Variants in FBXL13 observed in about 807,000 individuals in gnomAD.
The protein encoded by FBXL13 is F-box and leucine-rich repeat protein 13.
A neutral mutation model predicts 83.6 loss-of-function variants in FBXL13; 67 were observed. The observed-to-expected ratio is 0.80, with a 90% CI of 0.66 to 0.98. The LOEUF (loss-of-function observed/expected upper bound fraction) is 0.98, where lower values mean the gene tolerates loss of function less well. Ranked by LOEUF, FBXL13 falls within the 50% of genes least tolerant of loss-of-function variation. The pLI, the probability that FBXL13 is intolerant of heterozygous loss-of-function variation, is 0.00. For synonymous variants in FBXL13, 272 were observed against 299.5 expected, an observed-to-expected ratio of 0.91 and a Z score of 0.95; for missense variants, 822 against 866.5, an observed-to-expected ratio of 0.95 and a Z score of 0.64.
At chr7:102,835,197 T>G (rs1340815271) in intron 17 of FBXL13, among the ~76,000 whole-genome samples, 1 of 152,164 alleles carries the variant, frequency 6.6e-6, no homozygotes, top group Non-Finnish European at 1.5e-5. Context: ...GCACTTAGGG[T>G]ATTTGACTCA....
chr7:102,850,896 A>AT (rs1325342331), intron 17 of FBXL13, among the ~76,000 whole-genome samples: 2 of 152,184 alleles, frequency 1.3e-5, no homozygotes, highest in Non-Finnish European at 2.9e-5. Context: ...CTTAAAGCAG[A>AT]TTCCCTTAAG....
At chr7:102,883,009 A>G (rs1397969883) in intron 14 of FBXL13, among the ~76,000 whole-genome samples, 1 of 152,012 alleles carries the variant, frequency 6.6e-6, no homozygotes, top group East Asian at 1.9e-4. Flanking sequence ...TGTTAACTGA[A>G]CTAGCTATGG....
At chr7:103,005,532 T>G (rs1790898443) in intron 6 of FBXL13, among the ~76,000 whole-genome samples, 1 of 152,192 alleles carries the variant, frequency 6.6e-6, no homozygotes, top group Admixed American at 6.5e-5. Flanking sequence ...ATCTCACAGT[T>G]CTGGAAGCTA....
exon 9 of FBXL13, chr7:102,931,923 C>T: frequency 6.2e-7 from 1 of 1,613,542 alleles, no homozygotes; most frequent in Non-Finnish European, 8.5e-7. Flanking sequence ...CTTGCAAGTT[C>T]CTACAGTGGC....
upstream of FBXL13, chr7:103,074,624 A>G: frequency 3.2e-6 from 4 of 1,259,772 alleles, no homozygotes; most frequent in East Asian, 5.8e-5. Context: ...TCCTCCGGGA[A>G]GTCTTTCCTG....
chr7:102,925,863 C>T (rs962818075), intron 10 of FBXL13, among the ~76,000 whole-genome samples: 4 of 151,146 alleles, frequency 2.6e-5, no homozygotes, highest in Non-Finnish European at 4.4e-5. Context: ...ATCGCTTGGA[C>T]CCGGGAGGCG....
chr7:102,978,238 C>G (rs892919386), intron 6 of FBXL13: 1 of 152,142 alleles, frequency 6.6e-6, no homozygotes, highest in Non-Finnish European at 1.5e-5. Flanking sequence ...CCAAGGTGCC[C>G]ACGCCACCCC....
chr7:103,025,030 A>G (rs779199051), intron 6 of FBXL13, 33 bp downstream of exon 7: 4 of 1,519,604 alleles, frequency 2.6e-6, no homozygotes, highest in East Asian at 4.7e-5. Context: ...TTGGCAGATT[A>G]TAGTATATAA....
intron 8 of FBXL13, chr7:102,934,434 T>C (rs1819875929): frequency 1.9e-6 from 3 of 1,614,214 alleles, no homozygotes; most frequent in South Asian, 1.1e-5. Context: ...ATAGAAACGC[T>C]TATTTCAATG....
intron 2 of FBXL13, among the ~76,000 whole-genome samples, chr7:103,033,823 C>A (rs1436173923): frequency 6.6e-6 from 1 of 152,156 alleles, no homozygotes; most frequent in Non-Finnish European, 1.5e-5. Flanking sequence ...TGCTTTTATT[C>A]TCTTATCTGG....
intron 11 of FBXL13, among the ~76,000 whole-genome samples, chr7:102,903,758 T>TA (rs1332772710): frequency 6.6e-6 from 1 of 152,046 alleles, no homozygotes; most frequent in Non-Finnish European, 1.5e-5. Flanking sequence ...CTGTTGATGC[T>TA]ATGTGTCACA....
At chr7:102,891,293 C>A (rs1335245631) in intron 11 of FBXL13, among the ~76,000 whole-genome samples, 1 of 152,190 alleles carries the variant, frequency 6.6e-6, no homozygotes, top group African/African-American at 2.4e-5. Flanking sequence ...CCTATCCATT[C>A]ACTACGCACT....
At chr7:103,069,720 A>G (rs1798745483) in intron 1 of FBXL13, among the ~76,000 whole-genome samples, 1 of 152,230 alleles carries the variant, frequency 6.6e-6, no homozygotes, top group Non-Finnish European at 1.5e-5. Flanking sequence ...TTTGCTGGCG[A>G]AAGAGTATAT....
intron 6 of FBXL13, among the ~76,000 whole-genome samples, chr7:102,975,135 C>T (rs942547137): frequency 2.0e-5 from 3 of 152,202 alleles, no homozygotes; most frequent in Non-Finnish European, 1.5e-5. Context: ...GCCCATGCCC[C>T]ACCCTTAGTT....
chr7:102,917,143 A>G (rs1166738554), intron 10 of FBXL13, among the ~76,000 whole-genome samples: 2 of 152,224 alleles, frequency 1.3e-5, no homozygotes, highest in Admixed American at 6.5e-5. Context: ...AATTCTGCAG[A>G]AAACCTAAAT....
intron 6 of FBXL13, among the ~76,000 whole-genome samples, chr7:103,001,120 A>AT (rs546579010): frequency 2.5e-4 from 37 of 149,618 alleles, no homozygotes; most frequent in East Asian, 1.2e-3. Flanking sequence ...CTATATATAT[A>AT]TTTTTTTTTG....
At chr7:102,887,055 C>T (rs1289800071) in intron 11 of FBXL13, among the ~76,000 whole-genome samples, 2 of 152,162 alleles carry the variant, frequency 1.3e-5, no homozygotes, top group Non-Finnish European at 2.9e-5. Context: ...AAATTTATGG[C>T]AATTCGTATG....
At chr7:102,973,937 G>A (rs757595458) in intron 6 of FBXL13, among the ~76,000 whole-genome samples, 2 of 152,154 alleles carry the variant, frequency 1.3e-5, no homozygotes, top group East Asian at 1.9e-4. Context: ...ATCCCGTTCC[G>A]GGAACGAAAA....
chr7:102,958,173 G>T (rs183685293), intron 8 of FBXL13, among the ~76,000 whole-genome samples: 3,067 of 152,216 alleles, frequency 0.02, 99 homozygotes, highest in African/African-American at 0.07. Context: ...TAAGAAAAAC[G>T]TGGCACATAT....
Sources: gnomAD v4.1 joint callset for allele counts (sites outside exome capture counted in the v4.1 genomes callset) on GRCh38, gnomAD v4.1.1 for gene constraint, MANE v1.5 for transcripts, NCBI Gene and HGNC (gene_info 2026-07-23, HGNC 2026-07-21) for gene names.